Variants in CADM2 observed in about 807,000 individuals in gnomAD.
CADM2 encodes cell adhesion molecule 2, also known as immunoglobulin superfamily member 4D.
Under a neutral mutation model 49.8 loss-of-function variants are expected in CADM2, and 12 were observed. That is an observed-to-expected ratio of 0.24 (90% CI 0.15 to 0.39). The LOEUF (loss-of-function observed/expected upper bound fraction) is 0.39, where lower values mean the gene tolerates loss of function less well. Among genes scored for constraint, CADM2 ranks in the 10% least tolerant of loss-of-function variants. The probability of loss-of-function intolerance (pLI) is 1.00; values close to 1 mark genes in which losing one functional copy is unlikely to be tolerated. For synonymous variants in CADM2, 214 were observed against 175.4 expected (o/e 1.22, Z -1.74); for missense variants, 378 against 492.3 (o/e 0.77, Z 2.20).
chr3:85,421,091 A>T lies in CADM2; in HGVS notation c.62-305431A>T, dbSNP rs961405380. Among the ~76,000 whole-genome samples the T allele has an allele frequency of 1.4e-4, 21 of 152,198 alleles. 1 individual carries two copies. The highest frequency in any genetic ancestry group is 1.3e-3 in the Admixed American group (20 of 15,286). On this transcript the variant is annotated intron_variant, in intron 1 of 9. Transcript: ENST00000383699. ...AGTGATTAAAGGAATTTTAGAGCTG[A>T]GGTGAAAATGAGATGCTATAATGTG...
chr3:85,986,510 C>A (rs2108685055), intron 8 of CADM2, among the ~76,000 whole-genome samples: 1 of 152,032 alleles, frequency 6.6e-6, no homozygotes, highest in African/African-American at 2.4e-5. Context: ...ATGTTGTGAG[C>A]TTTTAAAAAT....
chr3:85,295,451 A>G (rs1159228756), intron 1 of CADM2, among the ~76,000 whole-genome samples: 1 of 152,202 alleles, frequency 6.6e-6, no homozygotes, highest in African/African-American at 2.4e-5. Flanking sequence ...GTATATACCC[A>G]AAGGACTATA....
intron 8 of CADM2, among the ~76,000 whole-genome samples, chr3:85,979,861 A>ATATC (rs1727257205): frequency 6.6e-6 from 1 of 151,642 alleles, no homozygotes; most frequent in African/African-American, 2.4e-5. Flanking sequence ...CTAAAAGTAA[A>ATATC]TATCTGTTGT....
intron 8 of CADM2, among the ~76,000 whole-genome samples, chr3:85,982,908 T>C (rs1273414074): frequency 6.6e-6 from 1 of 151,734 alleles, no homozygotes; most frequent in Non-Finnish European, 1.5e-5. Flanking sequence ...TTCCTTTATC[T>C]TATTCAATAA....
chr3:85,858,148 C>T (rs562199193), intron 3 of CADM2, among the ~76,000 whole-genome samples: 8 of 152,260 alleles, frequency 5.3e-5, no homozygotes, highest in African/African-American at 1.2e-4. Flanking sequence ...AGCTATGGGA[C>T]GGTCTAGTGT....
intron 1 of CADM2, among the ~76,000 whole-genome samples, chr3:85,434,019 A>G (rs764057975): frequency 6.6e-6 from 1 of 152,084 alleles, no homozygotes; most frequent in Admixed American, 6.6e-5. Context: ...CAATCAGTAA[A>G]TGTTGATTTA....
chr3:85,624,099 T>G (rs1474276163), intron 1 of CADM2, among the ~76,000 whole-genome samples: 1 of 152,158 alleles, frequency 6.6e-6, no homozygotes, highest in East Asian at 1.9e-4. Flanking sequence ...TTAAAAACAT[T>G]AAACAGTAGG....
chr3:86,022,875 C>T (rs988517621), intron 8 of CADM2, among the ~76,000 whole-genome samples: 2 of 152,096 alleles, frequency 1.3e-5, no homozygotes, highest in African/African-American at 2.4e-5. Context: ...TATGCATAAA[C>T]GTTTGCAGAA....
At chr3:85,321,091 C>CGTATATATAT (rs1430604188) in intron 1 of CADM2, among the ~76,000 whole-genome samples, 1 of 64,748 alleles carries the variant, frequency 1.5e-5, no homozygotes, top group South Asian at 7.1e-4. Flanking sequence ...TAGATATATA[C>CGTATATATAT]ATATATATAT....
At chr3:85,667,312 A>G (rs1184120515) in intron 1 of CADM2, among the ~76,000 whole-genome samples, 1 of 152,062 alleles carries the variant, frequency 6.6e-6, no homozygotes, top group Non-Finnish European at 1.5e-5. Context: ...AGCTCAATAT[A>G]TTTTAAATGC....
intron 1 of CADM2, among the ~76,000 whole-genome samples, chr3:85,622,286 G>C (rs1328871483): frequency 6.6e-6 from 1 of 152,108 alleles, no homozygotes; most frequent in Admixed American, 6.6e-5. Flanking sequence ...CTTCTATCTA[G>C]TGTTTCCTCA....
chr3:85,944,933 A>T (rs921135291), intron 7 of CADM2, among the ~76,000 whole-genome samples: 9 of 152,130 alleles, frequency 5.9e-5, no homozygotes, highest in African/African-American at 2.2e-4. Context: ...AGATCAGAGC[A>T]GAACTGAAGG....
At chr3:85,498,703 G>T (rs1227537772) in intron 1 of CADM2, among the ~76,000 whole-genome samples, 1 of 152,012 alleles carries the variant, frequency 6.6e-6, no homozygotes, top group African/African-American at 2.4e-5. Context: ...ACGGAAACAC[G>T]CATAAAATAA....
intron 1 of CADM2, among the ~76,000 whole-genome samples, chr3:84,975,724 T>C (rs1264709363): frequency 6.6e-6 from 1 of 151,880 alleles, no homozygotes; most frequent in East Asian, 1.9e-4. Flanking sequence ...TCTGTTATTT[T>C]GCAAGTCTTT....
chr3:85,734,699 A>T (rs186777900), intron 2 of CADM2, among the ~76,000 whole-genome samples: 6 of 147,460 alleles, frequency 4.1e-5, no homozygotes, highest in South Asian at 2.1e-4. Flanking sequence ...TAATATATAT[A>T]TTTTAAATAT....
intron 1 of CADM2, among the ~76,000 whole-genome samples, chr3:85,115,369 A>G (rs1217539329): frequency 1.3e-5 from 2 of 152,202 alleles, no homozygotes; most frequent in East Asian, 3.9e-4. Flanking sequence ...TCAGTACATT[A>G]AAAGTAGAAA....
At chr3:85,370,345 G>A (rs1299646567) in intron 1 of CADM2, among the ~76,000 whole-genome samples, 7 of 151,424 alleles carry the variant, frequency 4.6e-5, no homozygotes, top group Non-Finnish European at 8.8e-5. Flanking sequence ...TTGCTTGACC[G>A]CGGGAGGGGG....
chr3:85,267,885 C>A (rs1008996889), intron 1 of CADM2, among the ~76,000 whole-genome samples: 7 of 151,430 alleles, frequency 4.6e-5, no homozygotes, highest in Non-Finnish European at 8.9e-5. Context: ...ATTATCAATG[C>A]AATTTATTTT....
intron 1 of CADM2, among the ~76,000 whole-genome samples, chr3:85,056,969 G>C (rs1179770608): frequency 6.6e-6 from 1 of 152,084 alleles, no homozygotes; most frequent in Non-Finnish European, 1.5e-5. Flanking sequence ...ATCGGTGTGA[G>C]GGTAATCCTC....
Sources: allele counts gnomAD v4.1 joint callset (sites outside exome capture counted in the v4.1 genomes callset), GRCh38; gene constraint gnomAD v4.1.1; transcripts MANE v1.5; gene names NCBI Gene and HGNC (gene_info 2026-07-23, HGNC 2026-07-21).